ROBO2: variants seen among roughly 807,000 people sequenced by gnomAD.
ROBO2 encodes the protein roundabout homolog 2.
Under a neutral mutation model 160.8 loss-of-function variants are expected in ROBO2, and 53 were observed. The ratio of observed to expected loss-of-function variants is 0.33; its 90% CI spans 0.26 to 0.41. ROBO2 has a LOEUF of 0.41. Ranked by LOEUF, ROBO2 falls within the 10% of genes least tolerant of loss-of-function variation. The probability of loss-of-function intolerance (pLI) is 1.00; values close to 1 mark genes in which losing one functional copy is unlikely to be tolerated. For synonymous variants in ROBO2, 664 were observed against 611.7 expected, an observed-to-expected ratio of 1.09 and a Z score of -1.26; for missense variants, 1,577 against 1,722.4, an observed-to-expected ratio of 0.92 and a Z score of 1.49.
chr3:76,568,117 C>G (rs1230448842), intron 2 of ROBO2, among the ~76,000 whole-genome samples: 1 of 151,586 alleles, frequency 6.6e-6, no homozygotes, highest in Non-Finnish European at 1.5e-5. Flanking sequence ...ACCCTGCTTA[C>G]ATAAATGTAA....
At chr3:77,452,786 A>T (rs184128810) in intron 2 of ROBO2, among the ~76,000 whole-genome samples, 1 of 152,318 alleles carries the variant, frequency 6.6e-6, no homozygotes, top group African/African-American at 2.4e-5. Context: ...TTAAATAAAA[A>T]GCAGAATTTA....
intron 19 of ROBO2, among the ~76,000 whole-genome samples, chr3:77,597,356 T>C (rs1432722922): frequency 2.0e-5 from 3 of 152,218 alleles, no homozygotes; most frequent in East Asian, 3.9e-4. Context: ...AGTAGCCACA[T>C]GCAAGCCTTC....
At chr3:76,784,261 A>T (rs977073888) in intron 2 of ROBO2, among the ~76,000 whole-genome samples, 1 of 151,108 alleles carries the variant, frequency 6.6e-6, no homozygotes, top group African/African-American at 2.4e-5. Context: ...GCTAGAGGAG[A>T]GAAAGACTTT....
At chr3:76,283,153 A>T (rs867041657) in intron 2 of ROBO2, among the ~76,000 whole-genome samples, 208 of 11,742 alleles carry the variant, frequency 0.018, no homozygotes, top group Middle Eastern at 0.071. Flanking sequence ...TATATATATA[A>T]AACTACATAT....
chr3:76,458,373 G>C (rs963046135), intron 2 of ROBO2, among the ~76,000 whole-genome samples: 3 of 150,402 alleles, frequency 2.0e-5, no homozygotes, highest in Non-Finnish European at 4.4e-5. Flanking sequence ...CTTTACTCCA[G>C]CTCCCAAGTT....
Position 76,500,788 on chromosome 3 carries a change from A to T in ROBO2, c.109+563186A>T, listed in dbSNP as rs186563811. On this transcript the variant is annotated intron_variant, in intron 2 of 26. Coordinates refer to the ROBO2 transcript ENST00000487694. ...TTTGCATGGTGATTTCGCGGTTCAA[A>T]ATTTTCTGAGATCCTTCCCCTTAAT... 1.6e-4 allele frequency among the ~76,000 whole-genome samples: 25 copies of T among 152,334 alleles called. No homozygotes were observed. The East Asian group carries it at 4.8e-3, about 29-fold the overall frequency.
At chr3:77,425,031 T>C (rs1351599186) in intron 2 of ROBO2, among the ~76,000 whole-genome samples, 2 of 152,094 alleles carry the variant, frequency 1.3e-5, no homozygotes, top group Non-Finnish European at 2.9e-5. Flanking sequence ...ATATATGACG[T>C]AGTATTTGAG....
intron 2 of ROBO2, among the ~76,000 whole-genome samples, chr3:77,176,178 A>C (rs1052624256): frequency 6.6e-5 from 10 of 151,994 alleles, no homozygotes; most frequent in Non-Finnish European, 1.5e-4. Flanking sequence ...AAGAAGCAAG[A>C]GAGGGTCAAA....
chr3:76,106,947 A>G (rs1031332603), intron 2 of ROBO2, among the ~76,000 whole-genome samples: 1 of 152,090 alleles, frequency 6.6e-6, no homozygotes, highest in Non-Finnish European at 1.5e-5. Flanking sequence ...TCTGAAAATC[A>G]TCCAGTAAGA....
At chr3:77,291,699 T>A (rs1471160937) in intron 2 of ROBO2, among the ~76,000 whole-genome samples, 1 of 150,386 alleles carries the variant, frequency 6.6e-6, no homozygotes, top group Non-Finnish European at 1.5e-5. Flanking sequence ...TGAGGCTAGA[T>A]CACTAAAGAC....
At chr3:75,991,476 C>T (rs993640344) in intron 2 of ROBO2, among the ~76,000 whole-genome samples, 1 of 152,140 alleles carries the variant, frequency 6.6e-6, no homozygotes, top group Admixed American at 6.5e-5. Flanking sequence ...CTGTTGCCAT[C>T]CATGTAAGAA....
chr3:76,559,844 C>T (rs1292831100), intron 2 of ROBO2, among the ~76,000 whole-genome samples: 1 of 152,030 alleles, frequency 6.6e-6, no homozygotes, highest in East Asian at 1.9e-4. Context: ...ATTTCATTGT[C>T]TCTTTATTTT....
At chr3:76,463,445 T>G (rs903590642) in intron 2 of ROBO2, among the ~76,000 whole-genome samples, 1 of 152,280 alleles carries the variant, frequency 6.6e-6, no homozygotes, top group Non-Finnish European at 1.5e-5. Flanking sequence ...TTGACATTCC[T>G]CATCTGTCAC....
At chr3:76,523,990 G>A (rs78396138) in intron 2 of ROBO2, among the ~76,000 whole-genome samples, 5 of 63,494 alleles carry the variant, frequency 7.9e-5, no homozygotes, top group East Asian at 3.7e-4. Context: ...GTGTGTATGT[G>A]TGTGTGTGTG....
chr3:76,729,123 C>A (rs2093595719), intron 2 of ROBO2, among the ~76,000 whole-genome samples: 1 of 152,104 alleles, frequency 6.6e-6, no homozygotes, highest in South Asian at 2.1e-4. Context: ...TCATAACAGT[C>A]CCTGTCAGAG....
At chr3:76,094,900 C>A (rs2069376810) in intron 2 of ROBO2, among the ~76,000 whole-genome samples, 1 of 152,042 alleles carries the variant, frequency 6.6e-6, no homozygotes, top group South Asian at 2.1e-4. Flanking sequence ...AGTTAGAGTT[C>A]ATGAAGCAGG....
chr3:77,506,791 A>G (rs921089699), intron 5 of ROBO2, among the ~76,000 whole-genome samples: 1 of 152,120 alleles, frequency 6.6e-6, no homozygotes, highest in African/African-American at 2.4e-5. Flanking sequence ...TTTGTTTTTA[A>G]TGTTAGGGCA....
At chr3:76,705,325 A>C (rs9809151) in intron 2 of ROBO2, among the ~76,000 whole-genome samples, 5,761 of 152,274 alleles carry the variant, frequency 0.038, 341 homozygotes, top group African/African-American at 0.13. Flanking sequence ...TAATACAATT[A>C]ACTTTTCATA....
intron 2 of ROBO2, among the ~76,000 whole-genome samples, chr3:76,077,378 C>T (rs545456573): frequency 1.5e-4 from 23 of 152,188 alleles, no homozygotes; most frequent in African/African-American, 5.3e-4. Flanking sequence ...GCCTGGCCAA[C>T]ATGGTGAAAC....
Sources: allele counts gnomAD v4.1 joint callset (sites outside exome capture counted in the v4.1 genomes callset), GRCh38; gene constraint gnomAD v4.1.1; transcripts MANE v1.5; gene names NCBI Gene and HGNC (gene_info 2026-07-23, HGNC 2026-07-21).